The following ASTN2 variants were observed in gnomAD, a reference collection of about 807,000 sequenced individuals.
ASTN2 encodes the protein astrotactin 2, also known as astrotactin-2.
Under a neutral mutation model 139.8 loss-of-function variants are expected in ASTN2, and 54 were observed. The ratio of observed to expected loss-of-function variants is 0.39; its 90% confidence interval spans 0.31 to 0.48. The LOEUF is 0.48. Ranked by LOEUF, ASTN2 falls within the 20% of genes least tolerant of loss-of-function variation. ASTN2 has a pLI of 0.95. For missense variants in ASTN2, 1,565 were observed against 1,725.1 expected (o/e 0.91, Z 1.64); for synonymous variants, 756 against 719.5 (o/e 1.05, Z -0.81).
At chr9:116,859,052 C>T (rs1832812359) in intron 11 of ASTN2, among the ~76,000 whole-genome samples, 2 of 152,154 alleles carry the variant, frequency 1.3e-5, no homozygotes, top group South Asian at 2.1e-4. Flanking sequence ...CTTCTAAACA[C>T]CACTTCTCTT....
chr9:116,901,870 A>C (rs1034670074), intron 10 of ASTN2, among the ~76,000 whole-genome samples: 4 of 152,120 alleles, frequency 2.6e-5, no homozygotes, highest in Non-Finnish European at 5.9e-5. Context: ...TCTATTGAAA[A>C]TACAAAAATT....
At chr9:117,334,435 T>C (rs1828809790) in intron 1 of ASTN2, among the ~76,000 whole-genome samples, 1 of 151,724 alleles carries the variant, frequency 6.6e-6, no homozygotes, top group African/African-American at 2.4e-5. Context: ...AAAACAACAT[T>C]CACCCTCAGG....
At chr9:117,340,992 G>A (rs997763620) in intron 1 of ASTN2, among the ~76,000 whole-genome samples, 17 of 152,162 alleles carry the variant, frequency 1.1e-4, no homozygotes, top group Non-Finnish European at 2.4e-4. Flanking sequence ...CTGCTCTTAA[G>A]CAGTGCCAGC....
chr9:116,524,800 T>C (rs1851022382), intron 19 of ASTN2, among the ~76,000 whole-genome samples: 1 of 152,144 alleles, frequency 6.6e-6, no homozygotes, highest in Non-Finnish European at 1.5e-5. Context: ...AGGTACCCAT[T>C]CCTCTCTGTA....
intron 2 of ASTN2, among the ~76,000 whole-genome samples, chr9:117,282,679 A>T (rs746969588): frequency 7.3e-6 from 1 of 136,198 alleles, no homozygotes; most frequent in Non-Finnish European, 1.5e-5. Context: ...GAGGCATCCT[A>T]TATTTTTGCC....
At chr9:116,469,119 C>T (rs1379204510) in intron 20 of ASTN2, among the ~76,000 whole-genome samples, 2 of 152,038 alleles carry the variant, frequency 1.3e-5, no homozygotes, top group East Asian at 3.8e-4. Context: ...TCTCTGGGTT[C>T]CAAGAATGTA....
intron 3 of ASTN2, among the ~76,000 whole-genome samples, chr9:117,176,712 T>A (rs112596889): frequency 0.045 from 6,810 of 152,178 alleles, 198 homozygotes; most frequent in Non-Finnish European, 0.068. Flanking sequence ...GTGGGAGGCT[T>A]GCTCAAGGCC....
chr9:116,667,877 G>T (rs907155874), intron 16 of ASTN2, among the ~76,000 whole-genome samples: 1 of 137,732 alleles, frequency 7.3e-6, no homozygotes, highest in Non-Finnish European at 1.5e-5. Flanking sequence ...CCAACAGAGT[G>T]GTACATTTGT....
At chr9:116,835,381 G>T (rs1175732935) in intron 11 of ASTN2, among the ~76,000 whole-genome samples, 2 of 152,130 alleles carry the variant, frequency 1.3e-5, no homozygotes, top group East Asian at 3.8e-4. Context: ...GCCCTGCAAA[G>T]CTGTTCTTTG....
chr9:117,325,990 G>A (rs1272612412), intron 1 of ASTN2, among the ~76,000 whole-genome samples: 1 of 152,114 alleles, frequency 6.6e-6, no homozygotes, highest in African/African-American at 2.4e-5. Flanking sequence ...TTACCCTGAG[G>A]GAGGGGTGGG....
chr9:116,599,652 G>A (rs892686758), intron 19 of ASTN2, among the ~76,000 whole-genome samples: 10 of 152,348 alleles, frequency 6.6e-5, no homozygotes, highest in Admixed American at 6.5e-4. Context: ...TAAGAGGCAG[G>A]ACAGCCTGGT....
chr9:117,404,879 G>A (rs1830938478), intron 1 of ASTN2, among the ~76,000 whole-genome samples: 2 of 152,092 alleles, frequency 1.3e-5, no homozygotes, highest in African/African-American at 4.8e-5. Context: ...AGGGGATGGG[G>A]AAGAAAGGAG....
chr9:117,228,388 C>T (rs571695724), intron 2 of ASTN2, among the ~76,000 whole-genome samples: 4 of 152,226 alleles, frequency 2.6e-5, no homozygotes, highest in African/African-American at 9.6e-5. Flanking sequence ...CAATAGGGGT[C>T]TCTTAGAGGC....
intron 13 of ASTN2, among the ~76,000 whole-genome samples, chr9:116,753,766 T>A (rs980830366): frequency 3.4e-5 from 5 of 145,294 alleles, no homozygotes; most frequent in African/African-American, 1.1e-4. Context: ...AAACTATACA[T>A]CTCTAGGCAA....
At chr9:116,803,330 A>G (rs1410522037) in intron 13 of ASTN2, among the ~76,000 whole-genome samples, 3 of 129,090 alleles carry the variant, frequency 2.3e-5, no homozygotes, top group Admixed American at 2.3e-4. Context: ...TTTTTTTTTA[A>G]ATAGAGACAA....
At chr9:117,215,553 C>T (rs1042276298) in intron 2 of ASTN2, among the ~76,000 whole-genome samples, 7 of 151,392 alleles carry the variant, frequency 4.6e-5, no homozygotes, top group Admixed American at 4.6e-4. Context: ...CATTATCCTA[C>T]ATTAATTTGA....
intron 3 of ASTN2, among the ~76,000 whole-genome samples, chr9:117,206,899 C>T (rs534077503): frequency 6.6e-6 from 1 of 152,286 alleles, no homozygotes; most frequent in East Asian, 1.9e-4. Context: ...AGAGTGCCCC[C>T]ACCCACTACA....
At position 117,378,490 on chromosome 9, in the gene ASTN2, T is replaced by C. The variant is rs74728940; in HGVS notation, c.442+36007A>G. The stretch of plus-strand genomic sequence containing the variant: ...CACACTGAGCCTTTGACTCCTTATT[T>C]GCAGTATGAAGAAAACACCATTCTC... On this transcript the variant is annotated intron_variant, in intron 1 of 22. Coordinates refer to ENST00000313400, the MANE Select transcript of ASTN2 (RefSeq NM_001365068.1). 1.1e-3 allele frequency among the ~76,000 whole-genome samples: 171 copies of C among 152,350 alleles called. 1 individual carries two copies. The East Asian group carries it at 0.032, about 28-fold the overall frequency.
chr9:117,022,911 T>C (rs1381956189), intron 6 of ASTN2, among the ~76,000 whole-genome samples: 1 of 151,674 alleles, frequency 6.6e-6, no homozygotes, highest in East Asian at 2.0e-4. Flanking sequence ...GTTCTCAGGG[T>C]AGCATGGAGA....
Sources: allele counts gnomAD v4.1 joint callset (sites outside exome capture counted in the v4.1 genomes callset), GRCh38; gene constraint gnomAD v4.1.1; transcripts MANE v1.5; gene names NCBI Gene and HGNC (gene_info 2026-07-23, HGNC 2026-07-21).